The following ANO1 variants were observed in gnomAD, a reference collection of about 807,000 sequenced individuals.
ANO1 encodes anoctamin-1.
A neutral mutation model predicts 124.0 loss-of-function variants in ANO1; 59 were observed. That is an observed-to-expected ratio of 0.48 (90% CI 0.39 to 0.59). The LOEUF (loss-of-function observed/expected upper bound fraction) is 0.59. ANO1 is among the 20% of genes least tolerant of loss of function. The pLI is 0.00. For missense variants in ANO1, 1,059 were observed against 1,328.0 expected (o/e 0.80, Z 3.15); for synonymous variants, 529 against 532.0 (o/e 0.99, Z 0.08).
At position 70,171,718 on chromosome 11, in the gene ANO1, G is replaced by T. The variant is rs181752618; in HGVS notation, c.2350+679G>T. Among the ~76,000 whole-genome samples, 210 of 152,350 alleles carry T rather than the reference G, an allele frequency of 1.4e-3. 1 individual carries two copies. The highest frequency in any genetic ancestry group is 1.3e-3 in the Non-Finnish European group (89 of 68,044). ...ACCGTGGCTCACTCCTGTAATCCCA[G>T]TGCTTTGGGAGGCCCAGGAGGATAC... On this transcript the variant is annotated intron_variant, in intron 22 of 25. Coordinates refer to ENST00000355303, the MANE Select transcript of ANO1 (RefSeq NM_018043.7).
intron 9 of ANO1, among the ~76,000 whole-genome samples, chr11:70,124,996 C>T (rs1042401034): frequency 6.6e-6 from 1 of 152,242 alleles, no homozygotes; most frequent in Admixed American, 6.5e-5. Context: ...AGGCCCACAG[C>T]CATCAGCATG....
intron 1 of ANO1, among the ~76,000 whole-genome samples, chr11:70,067,161 C>T (rs1440038869): frequency 6.6e-6 from 1 of 152,130 alleles, no homozygotes; most frequent in Non-Finnish European, 1.5e-5. Flanking sequence ...CCATGAGAAA[C>T]TGCTGTTCCC....
At chr11:70,122,229 A>G (rs1169725881) in intron 8 of ANO1, among the ~76,000 whole-genome samples, 7 of 23,038 alleles carry the variant, frequency 3.0e-4, no homozygotes, top group East Asian at 1.4e-3. Context: ...CTCTCTCTCC[A>G]TCTCCCCCAC....
At chr11:70,004,236 C>G (rs896727560) in intron 1 of ANO1, among the ~76,000 whole-genome samples, 3 of 152,198 alleles carry the variant, frequency 2.0e-5, no homozygotes, top group African/African-American at 7.2e-5. Context: ...CTGGTCTGTG[C>G]TAGACGTGAG....
upstream of ANO1, among the ~76,000 whole-genome samples, chr11:70,074,669 G>T (rs1216769551): frequency 3.3e-5 from 5 of 152,230 alleles, no homozygotes; most frequent in Non-Finnish European, 5.9e-5. Context: ...CTCAACTGGG[G>T]CTGGTTTTGT....
chr11:69,973,569 C>T, the ANO1 span, among the ~76,000 whole-genome samples: 1 of 152,082 alleles, frequency 6.6e-6, no homozygotes, highest in Admixed American at 6.6e-5. Flanking sequence ...TATTGCAGGC[C>T]TTTAGATTCC....
the ANO1 span, among the ~76,000 whole-genome samples, chr11:69,973,202 C>T: frequency 6.6e-6 from 1 of 152,204 alleles, no homozygotes; most frequent in Non-Finnish European, 1.5e-5. Context: ...AGCCACCGCG[C>T]CCAGCTCTGG....
rs1455969249 is a variant in ANO1 at position 70,088,101 on chromosome 11, G to A, written c.441+17G>A. On this transcript the variant is annotated intron_variant, in intron 2 of 25. Transcript: ENST00000355303. Reference sequence around the variant, plus strand: ...GACGAGGACGTAACTATCTCACTGCGCGCTGTTTGTGGGGGGTGGGGGGTG... The same window carrying A: ...GACGAGGACGTAACTATCTCACTGCACGCTGTTTGTGGGGGGTGGGGGGTG... 10 of 510,820 alleles carry A rather than the reference G, an allele frequency of 2.0e-5. No individual in the cohort carries two copies. The highest frequency in any genetic ancestry group is 7.8e-5 in the South Asian group (1 of 12,812). 31.6% of individuals were successfully genotyped at this position (510,820 alleles called of 1,614,324 possible). A position where few individuals can be genotyped will look rare whatever the true frequency, so the allele number is the denominator to read the frequency against.
At chr11:70,098,103 C>T (rs533364397) in intron 2 of ANO1, among the ~76,000 whole-genome samples, 4 of 152,334 alleles carry the variant, frequency 2.6e-5, no homozygotes, top group South Asian at 2.1e-4. Context: ...CCGAGTCCGA[C>T]GGCAGGAGGA....
intron 1 of ANO1, among the ~76,000 whole-genome samples, chr11:70,032,374 C>A (rs1356458731): frequency 6.6e-6 from 1 of 152,088 alleles, no homozygotes; most frequent in African/African-American, 2.4e-5. Context: ...GCAGGTGCCC[C>A]TGGGAGAAGC....
chr11:70,076,255 T>C (rs190348950), upstream of ANO1, among the ~76,000 whole-genome samples: 2 of 152,254 alleles, frequency 1.3e-5, no homozygotes, highest in African/African-American at 4.8e-5. Context: ...GGTTAAGCAC[T>C]GTTTCTTGAG....
intron 25 of ANO1, among the ~76,000 whole-genome samples, chr11:70,186,023 C>T (rs2049104394): frequency 6.6e-6 from 1 of 152,176 alleles, no homozygotes; most frequent in Non-Finnish European, 1.5e-5. Context: ...CAGTGGCTCA[C>T]ACCTGTAATC....
upstream of ANO1, among the ~76,000 whole-genome samples, chr11:70,076,433 CTT>C (rs782542933): frequency 3.4e-5 from 5 of 146,522 alleles, no homozygotes; most frequent in Admixed American, 6.8e-5. Flanking sequence ...TATTTTTACT[CTT>C]TTTTTTTTTT....
chr11:70,079,145 G>A (rs2044127134), intron 1 of ANO1, among the ~76,000 whole-genome samples: 1 of 152,152 alleles, frequency 6.6e-6, no homozygotes, highest in Admixed American at 6.5e-5. Flanking sequence ...GGGGTCTTGG[G>A]TGAAGGCCAA....
At chr11:69,998,332 C>T (rs1856314123) in intron 1 of ANO1, among the ~76,000 whole-genome samples, 1 of 152,250 alleles carries the variant, frequency 6.6e-6, no homozygotes, top group South Asian at 2.1e-4. Context: ...TCCCCCCGCC[C>T]CATTGCCCCA....
chr11:70,088,022 CG>C lies in ANO1; in HGVS notation c.380del (p.Arg127ProfsTer30). The C allele has an allele frequency of 6.6e-7, 1 of 1,522,130 alleles. No individual in the cohort carries two copies. The highest frequency in any genetic ancestry group is 8.8e-7 in the Non-Finnish European group (1 of 1,134,006). The allele number at this position is 1,522,130 out of a possible 1,614,324, so 94.3% of individuals were successfully genotyped here. A position where few individuals can be genotyped will look rare whatever the true frequency, so the allele number is the denominator to read the frequency against. ...MDYHEDDKRF[R>X]REEYEGNLLE... ...CTACCACGAGGATGACAAGCGCTTC[CG>C]CAGGGAGGAGTACGAGGGCAACCTC... On this transcript the variant is annotated frameshift_variant, in exon 2 of 26. Transcript: ENST00000355303. LOFTEE classifies it high-confidence loss of function.
At chr11:70,181,339 C>T (rs2135833938) in intron 23 of ANO1, among the ~76,000 whole-genome samples, 1 of 152,210 alleles carries the variant, frequency 6.6e-6, no homozygotes, top group Non-Finnish European at 1.5e-5. Flanking sequence ...GGGGGTGACA[C>T]TCAGCCCCGG....
upstream of ANO1, among the ~76,000 whole-genome samples, chr11:69,983,567 G>A (rs1855976352): frequency 6.6e-6 from 1 of 152,214 alleles, no homozygotes; most frequent in Non-Finnish European, 1.5e-5. Context: ...CAGAAAATAA[G>A]CAGGGTGCTC....
chr11:70,022,937 G>GAGGAC (rs1856833618), intron 1 of ANO1, among the ~76,000 whole-genome samples: 1 of 152,184 alleles, frequency 6.6e-6, no homozygotes, highest in Non-Finnish European at 1.5e-5. Context: ...GGGAAGACAT[G>GAGGAC]AGGACAGAAA....
Sources: gnomAD v4.1 joint callset for allele counts (sites outside exome capture counted in the v4.1 genomes callset) on GRCh38, gnomAD v4.1.1 for gene constraint, MANE v1.5 for transcripts, NCBI Gene and HGNC (gene_info 2026-07-23, HGNC 2026-07-21) for gene names.